The following SMOC1 variants were observed in gnomAD, a reference collection of about 807,000 sequenced individuals.
The protein encoded by SMOC1 is SPARC-related modular calcium-binding protein 1.
In SMOC1, 22 loss-of-function variants were observed where a neutral mutation model predicts 56.3. The observed-to-expected ratio is 0.39, with a 90% confidence interval of 0.28 to 0.56. SMOC1 has a LOEUF of 0.56. Among genes scored for constraint, SMOC1 ranks in the 20% least tolerant of loss-of-function variants. SMOC1 has a pLI of 0.61. For synonymous variants in SMOC1, 193 were observed against 215.0 expected (o/e 0.90, Z 0.89); for missense variants, 509 against 565.4 (o/e 0.90, Z 1.01).
At chr14:69,886,298 A>T (rs916107677) in intron 1 of SMOC1, among the ~76,000 whole-genome samples, 6 of 152,148 alleles carry the variant, frequency 3.9e-5, no homozygotes, top group African/African-American at 1.4e-4. Context: ...TTCATGCATG[A>T]TCTGTTTTGT....
intron 1 of SMOC1, among the ~76,000 whole-genome samples, chr14:69,922,934 TTTTTTTGTTTTTTTTG>T (rs1469580108): frequency 6.6e-6 from 1 of 150,672 alleles, no homozygotes; most frequent in Non-Finnish European, 1.5e-5. Flanking sequence ...TCAGCCCTCT[TTTTTTTGTTTTTTTTG>T]TTTTTTGTTT....
intron 1 of SMOC1, among the ~76,000 whole-genome samples, chr14:69,935,024 T>C (rs1327439347): frequency 1.3e-5 from 2 of 152,242 alleles, no homozygotes; most frequent in South Asian, 2.1e-4. Context: ...TGGAAACTTA[T>C]TTCTATTCTA....
chr14:69,990,233 C>T (rs1238236613), intron 5 of SMOC1, among the ~76,000 whole-genome samples: 1 of 152,166 alleles, frequency 6.6e-6, no homozygotes, highest in Non-Finnish European at 1.5e-5. Context: ...GCCCGATGGG[C>T]AGTCCAAGAT....
chr14:69,952,013 A>T, intron 1 of SMOC1, 125 bp from the exon 2 acceptor site: 2 of 1,081,942 alleles, frequency 1.8e-6, no homozygotes, highest in Non-Finnish European at 2.8e-6. Flanking sequence ...CTTCACCTTT[A>T]GGGTTTTATT....
chr14:69,947,087 GCCTTCCTTCCTTCCTT>G (rs35916933), intron 1 of SMOC1, among the ~76,000 whole-genome samples: 83 of 143,474 alleles, frequency 5.8e-4, no homozygotes, highest in Middle Eastern at 3.5e-3. Flanking sequence ...TCTCAGGCCG[GCCTTCCTTCCTTCCTT>G]CCTTCCTTCC....
At chr14:69,884,217 A>C (rs1400255639) in intron 1 of SMOC1, among the ~76,000 whole-genome samples, 1 of 152,090 alleles carries the variant, frequency 6.6e-6, no homozygotes, top group East Asian at 1.9e-4. Context: ...AGCATTTTTA[A>C]ATATACCTAT....
chr14:69,953,644 G>A, intron 3 of SMOC1, 112 bp downstream of exon 3: 1 of 869,522 alleles, frequency 1.2e-6, no homozygotes, highest in Non-Finnish European at 1.9e-6. Context: ...ACAGTTGAGT[G>A]AGTGGCTCTT....
chr14:70,010,519 G>C (rs544939861), intron 7 of SMOC1, among the ~76,000 whole-genome samples: 240 of 152,320 alleles, frequency 1.6e-3, no homozygotes, highest in African/African-American at 5.3e-3. Flanking sequence ...TATTTGGTGG[G>C]AATGCTAATG....
At chr14:69,953,886 G>A (rs1218574837) in intron 3 of SMOC1, among the ~76,000 whole-genome samples, 1 of 152,048 alleles carries the variant, frequency 6.6e-6, no homozygotes, top group Non-Finnish European at 1.5e-5. Context: ...AGTTTCCATG[G>A]GCAACCCTGG....
intron 1 of SMOC1, among the ~76,000 whole-genome samples, chr14:69,931,222 C>G (rs1424817598): frequency 6.6e-6 from 1 of 152,210 alleles, no homozygotes; most frequent in East Asian, 1.9e-4. Flanking sequence ...CACGCATGGC[C>G]GTTTTATTCA....
rs766698093 is a variant in SMOC1 at position 70,023,375 on chromosome 14, T to C, written c.1219T>C (p.Tyr407His). 6.2e-7 allele frequency: 1 copy of C among 1,614,174 alleles called. No homozygotes were observed. Among genetic ancestry groups the C allele is most frequent in the Non-Finnish European group, 8.5e-7 (1 of 1,180,028 alleles). The change falls in exon 11 of 12, where the codon TAC becomes CAC. Residue 407 changes from tyrosine to histidine, a missense_variant. Tyr to His is a moderately conservative substitution (Grantham distance 83). This residue lies in a region of SMOC1 where 176 missense variants were observed against 188.1 expected (regional missense o/e 0.94). Coordinates refer to ENST00000361956, the MANE Select transcript of SMOC1 (RefSeq NM_001034852.3). The stretch of plus-strand genomic sequence containing the variant: ...GAAATGTGCCCGGCGTTTCACCGAC[T>C]ACTGTGACCTGAACAAAGACAAGGT... ...PKKCARRFTD[Y>H]CDLNKDKVIS...
At chr14:70,014,195 G>A (rs542933566) in intron 10 of SMOC1, among the ~76,000 whole-genome samples, 1 of 152,174 alleles carries the variant, frequency 6.6e-6, no homozygotes, top group Non-Finnish European at 1.5e-5. Context: ...TGGGGATAGA[G>A]GCATGTCCCA....
In SMOC1 at chr14:69,949,642, G is replaced by T. The variant is rs113379910; in HGVS notation, c.100-2496G>T. On this transcript the variant is annotated intron_variant, in intron 1 of 11. Coordinates refer to ENST00000361956, the MANE Select transcript of SMOC1 (RefSeq NM_001034852.3). ...CGCCTGAGCCAAAATCCGAAGCAGG[G>T]TGGGAGGGAATGGAGAAGGAACAGC... Among the ~76,000 whole-genome samples, 530 of 152,320 alleles carry T rather than the reference G, an allele frequency of 3.5e-3. 3 individuals carry two copies. The highest frequency in any genetic ancestry group is 0.012 in the African/African-American group (507 of 41,556).
Position 70,031,929 on chromosome 14 carries a change from G to C in SMOC1, c.*1671G>C, listed in dbSNP as rs1400733979. On this transcript the variant is annotated 3_prime_UTR_variant, in exon 12 of 12. Coordinates refer to ENST00000361956, the MANE Select transcript of SMOC1 (RefSeq NM_001034852.3). ...TCCACCCGTTCCGGGTCTGGAAGGC[G>C]TTGGCACCACAAGCACTGTCCCTGT... The C allele has an allele frequency of 6.6e-6, 1 of 152,382 alleles. No individual in the cohort carries two copies. Among genetic ancestry groups the C allele is most frequent in the Non-Finnish European group, 1.5e-5 (1 of 68,170 alleles). 9.4% of individuals were successfully genotyped at this position (152,382 alleles called of 1,614,324 possible). A position where few individuals can be genotyped will look rare whatever the true frequency, so the allele number is the denominator to read the frequency against.
chr14:69,991,296 T>A (rs1177701266), intron 5 of SMOC1, among the ~76,000 whole-genome samples: 2 of 152,098 alleles, frequency 1.3e-5, no homozygotes, highest in African/African-American at 4.8e-5. Flanking sequence ...CTATATAACC[T>A]TAAGAGGGAC....
At chr14:69,950,549 G>A (rs1330016576) in intron 1 of SMOC1, among the ~76,000 whole-genome samples, 1 of 152,224 alleles carries the variant, frequency 6.6e-6, no homozygotes, top group Non-Finnish European at 1.5e-5. Flanking sequence ...CCGATGGCCT[G>A]ATTTGTGCTC....
chr14:69,990,374 T>G (rs116714521), intron 5 of SMOC1, among the ~76,000 whole-genome samples: 1 of 152,256 alleles, frequency 6.6e-6, no homozygotes, highest in African/African-American at 2.4e-5. Context: ...ATAAGCCATA[T>G]GCACTTGAGT....
At chr14:70,005,423 A>C (rs1885116832) in intron 7 of SMOC1, among the ~76,000 whole-genome samples, 1 of 152,112 alleles carries the variant, frequency 6.6e-6, no homozygotes, top group African/African-American at 2.4e-5. Flanking sequence ...GCCTGGAGAC[A>C]GGGTTCATGT....
intron 1 of SMOC1, among the ~76,000 whole-genome samples, chr14:69,930,363 A>G (rs1444249249): frequency 6.6e-6 from 1 of 152,202 alleles, no homozygotes; most frequent in South Asian, 2.1e-4. Flanking sequence ...GCGATGTGCC[A>G]AAAACATTGC....
Sources: gnomAD v4.1 joint callset for allele counts (sites outside exome capture counted in the v4.1 genomes callset) on GRCh38, gnomAD v4.1.1 for gene constraint, gnomAD v4.1.1 regional missense constraint, MANE v1.5 for transcripts, NCBI Gene and HGNC (gene_info 2026-07-23, HGNC 2026-07-21) for gene names.